The following TBC1D1 variants were observed in gnomAD, a reference collection of about 807,000 sequenced individuals.
TBC1D1 encodes TBC1 (tre-2/USP6, BUB2, cdc16) domain family, member 1.
In TBC1D1, 89 loss-of-function variants were observed where a neutral mutation model predicts 125.6. That is an observed-to-expected ratio of 0.71 (90% CI 0.60 to 0.85). The LOEUF (loss-of-function observed/expected upper bound fraction) is 0.85. Ranked by LOEUF, TBC1D1 falls within the 40% of genes least tolerant of loss-of-function variation. TBC1D1 has a pLI of 0.00. For missense variants in TBC1D1, 1,377 were observed against 1,469.2 expected (o/e 0.94, Z 1.03); for synonymous variants, 565 against 564.1 (o/e 1.00, Z -0.02).
rs573285373 is a variant in TBC1D1, at chr4:38,102,856, G to A, written c.2399-143G>A. On this transcript the variant is annotated intron_variant, in intron 14 of 19. Transcript: ENST00000261439. Reference sequence around the variant, plus strand: ...TGATTGTGCCTCTGCACTGCAGCTCGGGTGACAAAGCCAGACTCTGTCTCA... The same window carrying A: ...TGATTGTGCCTCTGCACTGCAGCTCAGGTGACAAAGCCAGACTCTGTCTCA... The A allele has an allele frequency of 2.8e-5, 25 of 891,292 alleles. No homozygotes were observed. The African/African-American group carries it at 3.6e-4, about 13-fold the overall frequency. 55.2% of individuals were successfully genotyped at this position (891,292 alleles called of 1,614,324 possible). A position where few individuals can be genotyped will look rare whatever the true frequency, so the allele number is the denominator to read the frequency against.
intron 2 of TBC1D1, chr4:38,006,774 T>A (rs543767325): frequency 2.1e-6 from 1 of 474,900 alleles, no homozygotes; most frequent in Non-Finnish European, 4.2e-6. Context: ...CCACTGCGCC[T>A]GGCCCAACAC....
chr4:38,043,194 G>A (rs1223872267), intron 8 of TBC1D1, among the ~76,000 whole-genome samples: 3 of 151,964 alleles, frequency 2.0e-5, no homozygotes, highest in Non-Finnish European at 1.5e-5. Context: ...GAGCCACTGC[G>A]CCTGGCCGTT....
At chr4:38,018,561 C>A in intron 4 of TBC1D1, 118 bp downstream of exon 4, 1 of 591,784 alleles carries the variant, frequency 1.7e-6, no homozygotes, top group Non-Finnish European at 2.7e-6. Flanking sequence ...AAGTACTGTA[C>A]TTGATTTGTG....
At chr4:37,949,062 C>A (rs1284343142) in intron 2 of TBC1D1, among the ~76,000 whole-genome samples, 1 of 152,160 alleles carries the variant, frequency 6.6e-6, no homozygotes, top group Admixed American at 6.5e-5. Context: ...CTATTTTGAA[C>A]AACGCTGCTA....
chr4:37,971,193 A>T (rs1731942695), intron 2 of TBC1D1, among the ~76,000 whole-genome samples: 1 of 152,226 alleles, frequency 6.6e-6, no homozygotes. Context: ...GAGACATTAA[A>T]GCATCCTTTT....
chr4:37,985,008 A>G (rs901567910), intron 2 of TBC1D1, among the ~76,000 whole-genome samples: 1 of 151,870 alleles, frequency 6.6e-6, no homozygotes, highest in Admixed American at 6.6e-5. Flanking sequence ...GCTGGAGTGC[A>G]GTGGCGTGAT....
At chr4:37,960,432 A>C (rs754326666) in intron 2 of TBC1D1, 70 of 1,608,764 alleles carry the variant, frequency 4.4e-5, no homozygotes, top group Non-Finnish European at 5.8e-5. Flanking sequence ...GCAATAATCC[A>C]GAATGGCTAC....
At chr4:38,124,127 A>T (rs1321947971) in intron 17 of TBC1D1, among the ~76,000 whole-genome samples, 8 of 152,070 alleles carry the variant, frequency 5.3e-5, no homozygotes, top group Non-Finnish European at 1.2e-4. Flanking sequence ...TTTTTTTCTT[A>T]TATTATTATT....
chr4:38,117,659 T>C (rs1266626196), intron 16 of TBC1D1, among the ~76,000 whole-genome samples: 1 of 152,252 alleles, frequency 6.6e-6, no homozygotes, highest in African/African-American at 2.4e-5. Flanking sequence ...AGAGACTGGC[T>C]TCTTATTTCT....
At chr4:38,020,535 T>A in intron 4 of TBC1D1, 56 bp from the exon 5 acceptor site, 1 of 1,403,582 alleles carries the variant, frequency 7.1e-7, no homozygotes, top group Non-Finnish European at 1.0e-6. Context: ...GGTGCATTTC[T>A]GAGGATGGTG....
intron 2 of TBC1D1, among the ~76,000 whole-genome samples, chr4:37,969,229 A>C (rs9306955): frequency 0.61 from 93,086 of 152,054 alleles, 28,984 homozygotes; most frequent in African/African-American, 0.73. Context: ...CATATCATTC[A>C]CACTATAATT....
In TBC1D1 at chr4:38,079,954, G is replaced by A. The variant is rs1756267970; in HGVS notation, c.2051-9978G>A. On this transcript the variant is annotated intron_variant, in intron 12 of 19. Transcript: ENST00000261439. ...CCAAAGGCCAGAGATTCAACCTTTT[G>A]TGTGCATTAGAATTTCCCAATTGTT... is the stretch of plus-strand genomic sequence containing the variant. 2.0e-5 allele frequency among the ~76,000 whole-genome samples: 3 copies of A among 152,224 alleles called. No individual in the cohort carries two copies. In the South Asian group the frequency reaches 6.2e-4, roughly 31 times the overall value.
At chr4:37,939,579 A>G (rs931873258) in intron 2 of TBC1D1, among the ~76,000 whole-genome samples, 2 of 152,188 alleles carry the variant, frequency 1.3e-5, no homozygotes, top group East Asian at 1.9e-4. Context: ...TTGGTGTTTT[A>G]GACATGAAGT....
In TBC1D1 at chr4:38,014,758, G is replaced by T; in HGVS notation, c.667G>T (p.Gly223Trp). ...CAACCCGCCCCATGCCGCGCCCACA[G>T]GGAGCCAGGAGCCTGTGCGCAGGCC... Residue 223 changes from glycine to tryptophan, a missense_variant, in exon 3 of 20, where the codon GGG (glycine) becomes TGG (tryptophan). Gly to Trp is a radical substitution (Grantham distance 184, BLOSUM62 -2). Transcript: ENST00000261439. The surrounding 1 kb of genome is among the most constrained non-coding windows in gnomAD (Gnocchi z 5.1). The T allele has an allele frequency of 7.2e-7, 1 of 1,394,210 alleles. No individual in the cohort carries two copies. The highest frequency in any genetic ancestry group is 9.8e-7 in the Non-Finnish European group (1 of 1,024,380). 86.4% of individuals were successfully genotyped at this position (1,394,210 alleles called of 1,614,324 possible).
chr4:38,129,502 A>G lies in TBC1D1; in HGVS notation c.3133-3582A>G, dbSNP rs565947201. On this transcript the variant is annotated intron_variant, in intron 18 of 19. Transcript: ENST00000261439. ...ATGTTTTTTGTAATTCACTACAGAT[A>G]GTGTGTGCCCCCTTGTTGCTGATAC... Among the ~76,000 whole-genome samples the G allele has an allele frequency of 5.3e-5, 8 of 152,266 alleles. No individual in the cohort carries two copies. In the South Asian group the frequency reaches 1.7e-3, roughly 32 times the overall value.
intron 2 of TBC1D1, among the ~76,000 whole-genome samples, chr4:37,976,332 G>A (rs1733076396): frequency 6.6e-6 from 1 of 152,194 alleles, no homozygotes; most frequent in South Asian, 2.1e-4. Flanking sequence ...ATTTTAGGGC[G>A]ACTTTCAGCC....
At position 37,995,787 on chromosome 4, in the gene TBC1D1, G is replaced by T; in HGVS notation, c.418-18722G>T. 1 of 538,736 alleles carries T rather than the reference G, an allele frequency of 1.9e-6. No homozygotes were observed. 33.4% of individuals were successfully genotyped at this position (538,736 alleles called of 1,614,324 possible). On this transcript the variant is annotated intron_variant, in intron 2 of 19. Coordinates refer to ENST00000261439, the MANE Select transcript of TBC1D1 (RefSeq NM_015173.4). This position sits in a 1 kb window ranked among gnomAD's most constrained non-coding sequence, Gnocchi z 4.3. Reference sequence around the variant, plus strand: ...TCACCCTCTCCAGCACCTTCTCCTGGATTGCTACCCCAAATCATTTGCATC... The same window carrying T: ...TCACCCTCTCCAGCACCTTCTCCTGTATTGCTACCCCAAATCATTTGCATC...
chr4:38,086,030 T>G (rs1757423398), intron 12 of TBC1D1, among the ~76,000 whole-genome samples: 2 of 152,208 alleles, frequency 1.3e-5, no homozygotes, highest in Admixed American at 1.3e-4. Flanking sequence ...TTTGGACTGA[T>G]TCAGCAGGCC....
Position 38,133,146 on chromosome 4 carries a change from A to G in TBC1D1, c.3195A>G (p.Gln1065=). The stretch of plus-strand genomic sequence containing the variant: ...ATGAAGTTGAGTACCACGTCCTTCA[A>G]GAAGAACTTATCGATTCCTCTCCTC... The change falls in exon 19 of 20, where the codon CAA becomes CAG. Residue 1065 remains glutamine, a synonymous_variant. Transcript: ENST00000261439. 6.2e-7 allele frequency: 1 copy of G among 1,614,230 alleles called. No individual in the cohort carries two copies.
Sources: gnomAD v4.1 joint callset for allele counts (sites outside exome capture counted in the v4.1 genomes callset) on GRCh38, gnomAD v4.1.1 for gene constraint, Gnocchi (gnomAD v3.1) non-coding constraint, MANE v1.5 for transcripts, NCBI Gene and HGNC (gene_info 2026-07-23, HGNC 2026-07-21) for gene names.